ST18: variants seen among roughly 807,000 people sequenced by gnomAD.
ST18 encodes the protein suppression of tumorigenicity 18 protein.
Under a neutral mutation model 110.0 loss-of-function variants are expected in ST18, and 50 were observed. The ratio of observed to expected loss-of-function variants is 0.45; its 90% CI spans 0.36 to 0.58. ST18 has a LOEUF of 0.58. Among genes scored for constraint, ST18 ranks in the 20% least tolerant of loss-of-function variants. The pLI is 0.00. For synonymous variants in ST18, 461 were observed against 452.4 expected (o/e 1.02, Z -0.24); for missense variants, 1,306 against 1,280.1 (o/e 1.02, Z -0.31).
At chr8:52,349,819 G>A (rs1819439115) in intron 2 of ST18, among the ~76,000 whole-genome samples, 1 of 152,144 alleles carries the variant, frequency 6.6e-6, no homozygotes, top group Non-Finnish European at 1.5e-5. Context: ...GCAGGATGTG[G>A]GAATCAGTGA....
chr8:52,243,284 G>T (rs943982170), intron 2 of ST18, among the ~76,000 whole-genome samples: 2 of 152,028 alleles, frequency 1.3e-5, no homozygotes, highest in African/African-American at 4.8e-5. Flanking sequence ...TGTCTCCAGG[G>T]GTCCCCTAGC....
chr8:52,115,305 C>G (rs2042139368), intron 25 of ST18, among the ~76,000 whole-genome samples: 1 of 152,114 alleles, frequency 6.6e-6, no homozygotes, highest in South Asian at 2.1e-4. Context: ...AAATTAAAAG[C>G]ATTTAGCAAT....
At chr8:52,208,816 AAAATAAAT>A (rs74780314) in intron 8 of ST18, among the ~76,000 whole-genome samples, 15,748 of 151,310 alleles carry the variant, frequency 0.1, 1,109 homozygotes, top group Middle Eastern at 0.22. Flanking sequence ...AGGCTTCGCC[AAAATAAAT>A]AAATAAATAA....
chr8:52,153,719 T>C (rs1213667565), intron 15 of ST18, among the ~76,000 whole-genome samples: 1 of 152,214 alleles, frequency 6.6e-6, no homozygotes, highest in African/African-American at 2.4e-5. Flanking sequence ...GCTTAGCTAC[T>C]CTAAGATCTT....
chr8:52,384,628 C>T (rs1298038301), intron 2 of ST18, among the ~76,000 whole-genome samples: 1 of 152,204 alleles, frequency 6.6e-6, no homozygotes, highest in Non-Finnish European at 1.5e-5. Flanking sequence ...TCTACAATGC[C>T]ACACCTCCCC....
At chr8:52,329,145 GTGTGTT>G (rs1481296211) in intron 2 of ST18, among the ~76,000 whole-genome samples, 2 of 151,948 alleles carry the variant, frequency 1.3e-5, no homozygotes, top group South Asian at 2.1e-4. Flanking sequence ...GTCTATTTGT[GTGTGTT>G]TGTGTTTGTG....
chr8:52,136,765 A>T, intron 18 of ST18, 107 bp from the exon 19 acceptor site: 1 of 946,744 alleles, frequency 1.1e-6, no homozygotes, highest in Non-Finnish European at 1.6e-6. Flanking sequence ...GTGACTGGGG[A>T]TTGGGAAAAA....
rs925888807 is a variant in ST18, at chr8:52,269,076, G to C, written c.-464-38999C>G. 2.6e-5 allele frequency among the ~76,000 whole-genome samples: 4 copies of C among 152,208 alleles called. No homozygotes were observed. The East Asian group carries it at 7.7e-4, about 29-fold the overall frequency. ...GTTCTACTGCTGTAACTTAATCTAG[G>C]AAAAAATTTTAGACTACCCAGGATA... On this transcript the variant is annotated intron_variant, in intron 2 of 25. Transcript: ENST00000689386.
At chr8:52,316,290 G>A (rs886322157) in intron 2 of ST18, among the ~76,000 whole-genome samples, 4 of 152,106 alleles carry the variant, frequency 2.6e-5, no homozygotes, top group Non-Finnish European at 5.9e-5. Context: ...AGAATTTCCA[G>A]GCAATAGGAT....
At chr8:52,315,999 T>G (rs1051573123) in intron 2 of ST18, among the ~76,000 whole-genome samples, 2 of 152,238 alleles carry the variant, frequency 1.3e-5, no homozygotes, top group African/African-American at 2.4e-5. Context: ...CTCTACTTAT[T>G]CATATACACA....
chr8:52,322,594 C>A (rs1020471468), intron 2 of ST18, among the ~76,000 whole-genome samples: 6 of 152,182 alleles, frequency 3.9e-5, no homozygotes, highest in African/African-American at 2.4e-5. Flanking sequence ...TTTGTCTCAT[C>A]TCTAAGGATG....
intron 2 of ST18, among the ~76,000 whole-genome samples, chr8:52,332,981 G>T (rs1053742886): frequency 6.6e-6 from 1 of 152,120 alleles, no homozygotes; most frequent in Non-Finnish European, 1.5e-5. Flanking sequence ...GAGCATACTG[G>T]CTCTTGGGGA....
intron 8 of ST18, 150 bp from the exon 9 acceptor site, chr8:52,180,462 T>A: frequency 1.3e-6 from 1 of 761,698 alleles, no homozygotes; most frequent in Non-Finnish European, 2.1e-6. Flanking sequence ...ACATCCCATC[T>A]GTGGACTCCA....
intron 2 of ST18, among the ~76,000 whole-genome samples, chr8:52,391,865 A>G (rs2140985737): frequency 6.6e-6 from 1 of 152,312 alleles, no homozygotes; most frequent in South Asian, 2.1e-4. Flanking sequence ...GACTTGAATA[A>G]TGGAAAGGAC....
At position 52,306,960 on chromosome 8, in the gene ST18, T is replaced by A. The variant is rs71513578; in HGVS notation, c.-464-76883A>T. On this transcript the variant is annotated intron_variant, in intron 2 of 25. Coordinates refer to ENST00000689386, the MANE Select transcript of ST18 (RefSeq NM_001352837.2). ...ACATATTTAATAGCCCAACTTTTAT[T>A]TGAAATATAAACTAGGGTCTGAATG... Among the ~76,000 whole-genome samples, 1,226 of 152,290 alleles carry A rather than the reference T, an allele frequency of 8.1e-3. 9 individuals carry two copies. Among genetic ancestry groups the A allele is most frequent in the Admixed American group, 0.014 (210 of 15,280 alleles).
At chr8:52,162,399 C>A (rs980692141) in intron 13 of ST18, among the ~76,000 whole-genome samples, 3 of 152,152 alleles carry the variant, frequency 2.0e-5, no homozygotes, top group Non-Finnish European at 2.9e-5. Flanking sequence ...GCAGAGCTGG[C>A]AGAAATCTGA....
rs2040598983 is a variant in ST18 at position 52,111,768 on chromosome 8, G to C, written c.*1430C>G. The C allele has an allele frequency of 6.6e-6, 1 of 152,470 alleles. No homozygotes were observed. The highest frequency in any genetic ancestry group is 1.9e-4 in the East Asian group (1 of 5,186). 9.4% of individuals were successfully genotyped at this position (152,470 alleles called of 1,614,324 possible). A position where few individuals can be genotyped will look rare whatever the true frequency, so the allele number is the denominator to read the frequency against. On this transcript the variant is annotated 3_prime_UTR_variant, in exon 26 of 26. Transcript: ENST00000689386. ...TGAAATGTGTGTGCACACCAAAAAG[G>C]CAGTTTAGCTGGTTGTCTATACCTT...
chr8:52,242,893 T>C (rs1249676069), intron 2 of ST18, among the ~76,000 whole-genome samples: 1 of 151,926 alleles, frequency 6.6e-6, no homozygotes, highest in African/African-American at 2.4e-5. Context: ...AAAATGTACT[T>C]AGAAGAGTGG....
In ST18 at chr8:52,111,612, C is replaced by G. The variant is rs1169117310; in HGVS notation, c.*1586G>C. 1 of 152,502 alleles carries G rather than the reference C, an allele frequency of 6.6e-6. No homozygotes were observed. The highest frequency in any genetic ancestry group is 2.4e-5 in the African/African-American group (1 of 41,394). The allele number at this position is 152,502 out of a possible 1,614,324, so 9.4% of individuals were successfully genotyped here. On this transcript the variant is annotated 3_prime_UTR_variant, in exon 26 of 26. Coordinates refer to ENST00000689386, the MANE Select transcript of ST18 (RefSeq NM_001352837.2). ...AGTAATAACAGTGGAATACATCAAG[C>G]CTGTGAATGCCATCACTTTCCATCT...
Sources: allele counts gnomAD v4.1 joint callset (sites outside exome capture counted in the v4.1 genomes callset), GRCh38; gene constraint gnomAD v4.1.1; transcripts MANE v1.5; gene names NCBI Gene and HGNC (gene_info 2026-07-23, HGNC 2026-07-21).